MAP7D3: variants seen among roughly 807,000 people sequenced by gnomAD.
MAP7D3 encodes MAP7 domain-containing protein 3.
In MAP7D3, 45 loss-of-function variants were observed where a neutral mutation model predicts 62.2. The ratio of observed to expected loss-of-function variants is 0.72; its 90% CI spans 0.57 to 0.93. The LOEUF (loss-of-function observed/expected upper bound fraction) is 0.93. Among genes scored for constraint, MAP7D3 ranks in the 40% least tolerant of loss-of-function variants. MAP7D3 has a pLI of 0.00. For synonymous variants in MAP7D3, 288 were observed against 248.8 expected (o/e 1.16, Z -1.48); for missense variants, 711 against 683.1 (o/e 1.04, Z -0.45).
In MAP7D3 at chrX:136,217,527, C is replaced by A. The variant is rs894463099; in HGVS notation, c.*999G>T. On this transcript the variant is annotated 3_prime_UTR_variant, in exon 19 of 19. Transcript: ENST00000316077. ...AGATGGGGCTTTACAGGACTCCCAG[C>A]ATTTCAGGTTATTAGTGCCTGTGTA... The A allele has an allele frequency of 8.0e-5, 9 of 111,953 alleles. No homozygotes were observed. The highest frequency in any genetic ancestry group is 1.7e-4 in the Non-Finnish European group (9 of 53,166). The allele number at this position is 111,953 out of a possible 1,213,427, so 9.2% of individuals were successfully genotyped here.
At chrX:136,245,027 T>C (rs2074431739) in intron 3 of MAP7D3, among the ~76,000 whole-genome samples, 1 of 112,433 alleles carries the variant, frequency 8.9e-6, no homozygotes, top group South Asian at 3.7e-4. Context: ...CTGTGCCAAA[T>C]GACTCTCATC....
intron 4 of MAP7D3, among the ~76,000 whole-genome samples, chrX:136,242,229 C>G (rs1357032485): frequency 1.8e-5 from 2 of 112,381 alleles, no homozygotes; most frequent in African/African-American, 6.5e-5. Context: ...GGCAGTTGTT[C>G]TGAATTACTT....
At chrX:136,239,436 G>A (rs932058345) in intron 6 of MAP7D3, among the ~76,000 whole-genome samples, 2 of 111,702 alleles carry the variant, frequency 1.8e-5, no homozygotes, top group Non-Finnish European at 3.8e-5. Context: ...TGCTTTTGGG[G>A]GAAAACATTG....
upstream of MAP7D3, among the ~76,000 whole-genome samples, chrX:136,254,283 C>T (rs1213654410): frequency 9.2e-6 from 1 of 108,933 alleles, no homozygotes. Flanking sequence ...CGGGGTTTTG[C>T]CATGTTGACC....
In MAP7D3 at chrX:136,224,581, T is replaced by A. The variant is rs1160316835; in HGVS notation, c.2193+246A>T. ...AAAAAGAAGCAGTATCTATAACATT[T>A]AAAGAACCACAATGAGACAAATCAA... On this transcript the variant is annotated intron_variant, in intron 14 of 18. Transcript: ENST00000316077. Among the ~76,000 whole-genome samples, 3 of 110,487 alleles carry A rather than the reference T, an allele frequency of 2.7e-5. No individual in the cohort carries two copies. The East Asian group carries it at 8.4e-4, about 31-fold the overall frequency.
chrX:136,240,356 G>A, intron 6 of MAP7D3, 26 bp downstream of exon 6: 1 of 909,791 alleles, frequency 1.1e-6, no homozygotes, highest in Non-Finnish European at 1.6e-6. Context: ...TAGAAATTCA[G>A]TAGAATACAT....
upstream of MAP7D3, chrX:136,251,540 G>A: frequency 1.2e-6 from 1 of 837,755 alleles, no homozygotes; most frequent in Non-Finnish European, 1.4e-6. Flanking sequence ...TGCCCCTTGC[G>A]TCCCACGTCC....
At chrX:136,231,443 T>C (rs2074265410) in intron 8 of MAP7D3, 101 bp downstream of exon 8, 2 of 658,696 alleles carry the variant, frequency 3.0e-6, no homozygotes, top group Admixed American at 3.2e-5. Flanking sequence ...ATATTGTAAA[T>C]AATATGCTGG....
At chrX:136,241,837 A>G (rs2074393198) in intron 4 of MAP7D3, among the ~76,000 whole-genome samples, 1 of 111,324 alleles carries the variant, frequency 9.0e-6, no homozygotes. Flanking sequence ...AAAAAAGATA[A>G]TCAATATATT....
chrX:136,215,255 G>A (rs1461167928), downstream of MAP7D3, among the ~76,000 whole-genome samples: 6 of 112,026 alleles, frequency 5.4e-5, no homozygotes, highest in Non-Finnish European at 1.1e-4. Context: ...CACAGAGCAG[G>A]AGGTGAGTGG....
chrX:136,251,475 G>GGGCGGGGCGC, upstream of MAP7D3: 2 of 825,655 alleles, frequency 2.4e-6, no homozygotes, highest in Non-Finnish European at 3.0e-6. Context: ...GGGCGGGGCG[G>GGGCGGGGCGC]GGCGGGGCCC....
intron 1 of MAP7D3, 32 bp from the exon 2 acceptor site, chrX:136,246,373 T>C (rs768807976): frequency 1.0e-6 from 1 of 967,846 alleles, no homozygotes; most frequent in East Asian, 3.1e-5. Context: ...GGATTAGATG[T>C]TAAGAATACG....
At chrX:136,229,701 C>T (rs986583639) in intron 10 of MAP7D3, among the ~76,000 whole-genome samples, 3 of 25,935 alleles carry the variant, frequency 1.2e-4, no homozygotes, top group Non-Finnish European at 1.5e-4. Context: ...ACCTCTCATC[C>T]GACCTGTGCT....
chrX:136,242,249 G>T (rs1201007618), intron 4 of MAP7D3, among the ~76,000 whole-genome samples: 2 of 112,152 alleles, frequency 1.8e-5, no homozygotes, highest in Non-Finnish European at 3.8e-5. Context: ...TAGAAACCCT[G>T]AAACTATAAT....
intron 6 of MAP7D3, among the ~76,000 whole-genome samples, chrX:136,239,090 CT>C (rs2074359965): frequency 8.9e-6 from 1 of 111,920 alleles, no homozygotes; most frequent in South Asian, 3.8e-4. Flanking sequence ...AATTTGTGCT[CT>C]TTTTCCTCTC....
At chrX:136,241,998 A>C (rs752602731) in intron 4 of MAP7D3, among the ~76,000 whole-genome samples, 1 of 111,152 alleles carries the variant, frequency 9.0e-6, no homozygotes, top group Admixed American at 9.6e-5. Context: ...AGGTAAGCAA[A>C]TCAACTTTTA....
intron 5 of MAP7D3, among the ~76,000 whole-genome samples, 163 bp from the exon 6 acceptor site, chrX:136,240,649 G>A (rs2074379786): frequency 9.0e-6 from 1 of 110,787 alleles, no homozygotes; most frequent in Non-Finnish European, 1.9e-5. Context: ...TAGTAGAGAC[G>A]GGGCTTCACC....
chrX:136,251,376 G>A lies in MAP7D3; in HGVS notation c.-18C>T, dbSNP rs2074509248. ...GCCATCATCGGAGTCGGGACCGGAGGCGGTGGTGGCTCTCCGCATACATTG... is the reference window on the plus strand; with the variant it reads ...GCCATCATCGGAGTCGGGACCGGAGACGGTGGTGGCTCTCCGCATACATTG... On this transcript the variant is annotated 5_prime_UTR_variant, in exon 1 of 19. Coordinates refer to ENST00000316077, the MANE Select transcript of MAP7D3 (RefSeq NM_024597.4). 9.0e-7 allele frequency: 1 copy of A among 1,105,516 alleles called. No homozygotes were observed. 91.1% of individuals were successfully genotyped at this position (1,105,516 alleles called of 1,213,427 possible).
intron 10 of MAP7D3, 87 bp from the exon 11 acceptor site, chrX:136,228,845 A>T (rs1261677249): frequency 6.7e-6 from 5 of 745,550 alleles, no homozygotes; most frequent in East Asian, 3.7e-5. Context: ...AAAACATTAA[A>T]ATATATATAT....
Sources: allele counts gnomAD v4.1 joint callset (sites outside exome capture counted in the v4.1 genomes callset), GRCh38; gene constraint gnomAD v4.1.1; transcripts MANE v1.5; gene names NCBI Gene and HGNC (gene_info 2026-07-23, HGNC 2026-07-21).